The following SQSTM1 variants were observed in gnomAD, a reference collection of about 807,000 sequenced individuals.
The protein encoded by SQSTM1 is sequestosome-1.
SQSTM1 carries 36 observed loss-of-function variants against 45.1 expected under a neutral mutation model. The ratio of observed to expected loss-of-function variants is 0.80; its 90% CI spans 0.61 to 1.05. The LOEUF (loss-of-function observed/expected upper bound fraction) is 1.05, where lower values mean the gene tolerates loss of function less well. Among genes scored for constraint, SQSTM1 ranks in the 50% least tolerant of loss-of-function variants. The pLI, the probability that SQSTM1 is intolerant of heterozygous loss-of-function variation, is 0.00. For missense variants in SQSTM1, 617 were observed against 607.1 expected (o/e 1.02, Z -0.17); for synonymous variants, 290 against 244.3 (o/e 1.19, Z -1.74).
Position 179,826,568 on chromosome 5 carries a change from C to T in SQSTM1, c.754+1342C>T, listed in dbSNP as rs893710835. Among the ~76,000 whole-genome samples, 3 of 150,762 alleles carry T rather than the reference C, an allele frequency of 2.0e-5. No individual in the cohort carries two copies. In the South Asian group the frequency reaches 6.3e-4, roughly 31 times the overall value. On this transcript the variant is annotated intron_variant, in intron 5 of 7. Coordinates refer to ENST00000389805, the MANE Select transcript of SQSTM1 (RefSeq NM_003900.5). ...CTGTACTAGAGTTTAGAGGTGAAGT[C>T]AGAGAATAGGAAAGAAGAATCGCTA...
intron 5 of SQSTM1, among the ~76,000 whole-genome samples, chr5:179,832,018 C>T (rs899178229): frequency 6.6e-5 from 10 of 152,222 alleles, no homozygotes; most frequent in Admixed American, 2.0e-4. Flanking sequence ...CTCCTGATCT[C>T]GTGATCCGCC....
chr5:179,822,639 A>C, intron 1 of SQSTM1: 1 of 381,568 alleles, frequency 2.6e-6, no homozygotes, highest in East Asian at 6.5e-5. Flanking sequence ...CGGATGGGGA[A>C]TGAGGTGGCA....
At chr5:179,829,200 C>T (rs1476080581) in intron 5 of SQSTM1, among the ~76,000 whole-genome samples, 1 of 152,338 alleles carries the variant, frequency 6.6e-6, no homozygotes, top group Admixed American at 6.5e-5. Flanking sequence ...CAGGGTGAGG[C>T]ACCAGCCTGA....
At chr5:179,827,883 AGT>A (rs1758060073) in intron 5 of SQSTM1, among the ~76,000 whole-genome samples, 1 of 152,140 alleles carries the variant, frequency 6.6e-6, no homozygotes, top group African/African-American at 2.4e-5. Flanking sequence ...TCCCGGTGGC[AGT>A]GTGTGTAGGG....
In SQSTM1 at chr5:179,834,160, G is replaced by GC. The variant is rs1326340380; in HGVS notation, c.1165+378_1165+379insC. ...CTCAGGGAGTGCTGGTCTGAGAGGG[G>GC]GGGGGGTCATAGCCAAGATCCCTGT... On this transcript the variant is annotated intron_variant, in intron 7 of 7. Coordinates refer to ENST00000389805, the MANE Select transcript of SQSTM1 (RefSeq NM_003900.5). 1.0e-4 allele frequency among the ~76,000 whole-genome samples: 15 copies of GC among 146,294 alleles called. No homozygotes were observed. The East Asian group carries it at 2.5e-3, about 24-fold the overall frequency.
At chr5:179,823,479 A>C (rs866209862) in intron 2 of SQSTM1, 6 of 214,542 alleles carry the variant, frequency 2.8e-5, no homozygotes, top group Non-Finnish European at 5.3e-5. Flanking sequence ...AAAAAAAAAA[A>C]AGACATTTTA....
upstream of SQSTM1, among the ~76,000 whole-genome samples, chr5:179,817,900 T>G (rs570459275): frequency 1.6e-3 from 240 of 150,630 alleles, no homozygotes; most frequent in Non-Finnish European, 2.9e-3. Flanking sequence ...TCCCAGCTAC[T>G]TGGGAGGCTG....
Position 179,833,509 on chromosome 5 carries a change from C to T in SQSTM1, c.970-78C>T, listed in dbSNP as rs116830181. On this transcript the variant is annotated intron_variant, in intron 6 of 7. Coordinates refer to ENST00000389805, the MANE Select transcript of SQSTM1 (RefSeq NM_003900.5). ...GTGTGCATGCGTGCTCCCCGACTGTCTGCCAGGAGCCAGGGCCATGGTCAG... is the reference window on the plus strand; with the variant it reads ...GTGTGCATGCGTGCTCCCCGACTGTTTGCCAGGAGCCAGGGCCATGGTCAG... The T allele has an allele frequency of 0.013, 19,743 of 1,513,140 alleles. 1,157 individuals carry two copies. The African/African-American group carries it at 0.17, about 13-fold the overall frequency. The allele number at this position is 1,513,140 out of a possible 1,614,324, so 93.7% of individuals were successfully genotyped here. A position where few individuals can be genotyped will look rare whatever the true frequency, so the allele number is the denominator to read the frequency against.
At chr5:179,810,124 A>T (rs1213555456) in intron 1 of SQSTM1, among the ~76,000 whole-genome samples, 1 of 151,804 alleles carries the variant, frequency 6.6e-6, no homozygotes, top group Non-Finnish European at 1.5e-5. Flanking sequence ...TTTATTTTTT[A>T]ATTTTTTATT....
At chr5:179,823,631 C>G in intron 2 of SQSTM1, 1 of 589,162 alleles carries the variant, frequency 1.7e-6, no homozygotes, top group East Asian at 2.9e-5. Context: ...AGACAGGGCT[C>G]CTTGCTGCTG....
In SQSTM1 at chr5:179,837,489, C is replaced by A; in HGVS notation, c.*896C>A. The A allele has an allele frequency of 6.2e-7, 1 of 1,614,102 alleles. No individual in the cohort carries two copies. ...TCCAGGACCAGGGGCCCACCCTCTG[C>A]CCAGGGAGTCCTTGCGTCCCATGAG... is the stretch of plus-strand genomic sequence containing the variant. On this transcript the variant is annotated 3_prime_UTR_variant, in exon 8 of 8. Transcript: ENST00000389805.
chr5:179,830,513 C>T lies in SQSTM1; in HGVS notation c.755-2519C>T, dbSNP rs538699071. ...CCTTCTGCTTCAGCCTCCCCAGTAG[C>T]TGGGACTACAGGCATGTGCCACTGT... On this transcript the variant is annotated intron_variant, in intron 5 of 7. Coordinates refer to ENST00000389805, the MANE Select transcript of SQSTM1 (RefSeq NM_003900.5). 9.2e-5 allele frequency among the ~76,000 whole-genome samples: 14 copies of T among 152,076 alleles called. 1 individual carries two copies. In the South Asian group the frequency reaches 2.9e-3, roughly 32 times the overall value.
chr5:179,832,452 A>G (rs1758271689), intron 5 of SQSTM1, among the ~76,000 whole-genome samples: 1 of 152,208 alleles, frequency 6.6e-6, no homozygotes, highest in Non-Finnish European at 1.5e-5. Flanking sequence ...CTCCCAGAGC[A>G]GAGCTCCGGC....
chr5:179,831,610 C>T (rs943542879), intron 5 of SQSTM1, among the ~76,000 whole-genome samples: 4 of 151,978 alleles, frequency 2.6e-5, no homozygotes, highest in South Asian at 4.2e-4. Context: ...TGCAGTGAGC[C>T]GAGAGATTGC....
chr5:179,825,038 G>C, intron 4 of SQSTM1, 108 bp from the exon 5 acceptor site: 1 of 1,135,414 alleles, frequency 8.8e-7, no homozygotes, highest in South Asian at 1.3e-5. Flanking sequence ...AGATGTCCGG[G>C]TTAAAGGTCA....
At chr5:179,821,291 G>A in intron 1 of SQSTM1, 150 bp downstream of exon 1, 1 of 835,116 alleles carries the variant, frequency 1.2e-6, no homozygotes, top group Non-Finnish European at 1.7e-6. Flanking sequence ...GGCCTGCATG[G>A]GTCCCCAGTT....
chr5:179,815,256 A>G (rs1305141126), upstream of SQSTM1, among the ~76,000 whole-genome samples: 1 of 152,106 alleles, frequency 6.6e-6, no homozygotes, highest in South Asian at 2.1e-4. Context: ...GTCTCTACTA[A>G]AAATACAAAA....
intron 5 of SQSTM1, among the ~76,000 whole-genome samples, chr5:179,829,017 C>T (rs1008579134): frequency 4.6e-5 from 7 of 151,538 alleles, no homozygotes; most frequent in Non-Finnish European, 8.8e-5. Context: ...TGGGAGTGAT[C>T]GGGGGACAGG....
upstream of SQSTM1, among the ~76,000 whole-genome samples, chr5:179,817,328 C>T (rs961856263): frequency 3.9e-5 from 6 of 152,184 alleles, no homozygotes; most frequent in African/African-American, 9.6e-5. Context: ...GCCGGGCGTT[C>T]GTCCTCCATC....
Sources: gnomAD v4.1 joint callset for allele counts (sites outside exome capture counted in the v4.1 genomes callset) on GRCh38, gnomAD v4.1.1 for gene constraint, MANE v1.5 for transcripts, NCBI Gene and HGNC (gene_info 2026-07-23, HGNC 2026-07-21) for gene names.